Variants in TRIM14 observed in about 807,000 individuals in gnomAD.
The protein encoded by TRIM14 is tripartite motif containing 14.
A neutral mutation model predicts 44.5 loss-of-function variants in TRIM14; 28 were observed. The observed-to-expected ratio is 0.63, with a 90% confidence interval of 0.47 to 0.86. The LOEUF (loss-of-function observed/expected upper bound fraction) is 0.86, where lower values mean the gene tolerates loss of function less well. Ranked by LOEUF, TRIM14 falls within the 40% of genes least tolerant of loss-of-function variation. The probability of loss-of-function intolerance (pLI) is 0.00; values close to 1 mark genes in which losing one functional copy is unlikely to be tolerated. For missense variants in TRIM14, 607 were observed against 611.1 expected, an observed-to-expected ratio of 0.99 and a Z score of 0.07; for synonymous variants, 299 against 269.2, an observed-to-expected ratio of 1.11 and a Z score of -1.08.
chr9:98,077,763 C>G (rs1156510932), intron 6 of TRIM14, among the ~76,000 whole-genome samples: 2 of 152,268 alleles, frequency 1.3e-5, no homozygotes, highest in South Asian at 4.1e-4. Flanking sequence ...ACTTATTTCA[C>G]AGGGGAGGCC....
At chr9:98,042,024 G>A in the TRIM14 span, among the ~76,000 whole-genome samples, 3 of 151,698 alleles carry the variant, frequency 2.0e-5, no homozygotes, top group Admixed American at 1.3e-4. Context: ...GCCGGGCGCG[G>A]TGGCTCATGC....
chr9:98,060,654 G>A, the TRIM14 span: 1 of 921,664 alleles, frequency 1.1e-6, no homozygotes, highest in African/African-American at 1.7e-5. Flanking sequence ...CTGGGTGAAA[G>A]AGCGAAACTC....
chr9:98,054,556 C>CA, the TRIM14 span, among the ~76,000 whole-genome samples: 1 of 152,204 alleles, frequency 6.6e-6, no homozygotes, highest in Non-Finnish European at 1.5e-5. Flanking sequence ...GGGCTACAAA[C>CA]AGACACTGTG....
At chr9:98,084,197 T>C (rs930784168), downstream of TRIM14, among the ~76,000 whole-genome samples, 51 of 152,174 alleles carry the variant, frequency 3.4e-4, no homozygotes, top group African/African-American at 1.2e-3. Flanking sequence ...CACAAATGTT[T>C]ACTGTGTGCC....
At chr9:98,106,468 G>A (rs1826615154) in intron 2 of TRIM14, among the ~76,000 whole-genome samples, 1 of 152,230 alleles carries the variant, frequency 6.6e-6, no homozygotes, top group South Asian at 2.1e-4. Context: ...CCATTGCTCA[G>A]CTCCATCTGC....
At chr9:98,079,478 A>G (rs1829752232), downstream of TRIM14, among the ~76,000 whole-genome samples, 1 of 152,174 alleles carries the variant, frequency 6.6e-6, no homozygotes, top group African/African-American at 2.4e-5. Context: ...TTAACTTAAA[A>G]AGTTAGCCTT....
At chr9:98,106,827 T>TC (rs60208316) in intron 2 of TRIM14, among the ~76,000 whole-genome samples, 11,033 of 103,710 alleles carry the variant, frequency 0.11, 519 homozygotes, top group African/African-American at 0.16. Context: ...TCTTTCTTCT[T>TC]TTTTTTTTTT....
chr9:98,037,999 G>A, the TRIM14 span, among the ~76,000 whole-genome samples: 1 of 152,026 alleles, frequency 6.6e-6, no homozygotes, highest in East Asian at 1.9e-4. Context: ...CCAAGTAGCT[G>A]GAAGGCTACA....
chr9:98,110,890 A>AAATAC (rs1272397823), intron 1 of TRIM14, among the ~76,000 whole-genome samples: 8 of 151,714 alleles, frequency 5.3e-5, no homozygotes, highest in Non-Finnish European at 1.2e-4. Flanking sequence ...AAATAAAATA[A>AAATAC]AATAAAATTA....
chr9:98,104,557 G>C (rs766915773), intron 2 of TRIM14, among the ~76,000 whole-genome samples: 6 of 152,174 alleles, frequency 3.9e-5, no homozygotes, highest in Non-Finnish European at 5.9e-5. Flanking sequence ...GAGAGAGAGA[G>C]AAAGAGAGCA....
downstream of TRIM14, among the ~76,000 whole-genome samples, chr9:98,083,491 C>T (rs1481743253): frequency 6.6e-6 from 1 of 152,186 alleles, no homozygotes; most frequent in Non-Finnish European, 1.5e-5. Context: ...GTTTAGTTGG[C>T]ATTGTATAGC....
the TRIM14 span, among the ~76,000 whole-genome samples, chr9:98,045,574 C>T: frequency 1.3e-5 from 2 of 152,160 alleles, no homozygotes; most frequent in African/African-American, 2.4e-5. Flanking sequence ...CTTTTTCTGT[C>T]GTAAACCTTC....
At chr9:98,103,379 A>T (rs1387995193) in intron 2 of TRIM14, among the ~76,000 whole-genome samples, 1 of 152,232 alleles carries the variant, frequency 6.6e-6, no homozygotes, top group Non-Finnish European at 1.5e-5. Context: ...TATATTTGCA[A>T]GTGCAATTAA....
At chr9:98,083,081 T>C (rs1358839271), downstream of TRIM14, 2 of 1,606,940 alleles carry the variant, frequency 1.2e-6, no homozygotes. Context: ...CTCTGAATTC[T>C]CAGTTCCCTT....
chr9:98,100,969 T>C (rs1349469211), intron 2 of TRIM14, among the ~76,000 whole-genome samples: 2 of 151,966 alleles, frequency 1.3e-5, no homozygotes, highest in African/African-American at 2.4e-5. Flanking sequence ...ACAATTTTTA[T>C]TTATTTATTT....
At chr9:98,092,312 C>T (rs1826023969) in intron 4 of TRIM14, among the ~76,000 whole-genome samples, 1 of 152,196 alleles carries the variant, frequency 6.6e-6, no homozygotes. Flanking sequence ...GAGCTGAGTC[C>T]TCAGGAAGGT....
intron 6 of TRIM14, among the ~76,000 whole-genome samples, chr9:98,077,228 G>A (rs1285608084): frequency 6.6e-6 from 1 of 151,938 alleles, no homozygotes; most frequent in Non-Finnish European, 1.5e-5. Context: ...CTCCCAAAGT[G>A]CTAGGATTAC....
At chr9:98,099,064 A>G (rs1370524666) in intron 3 of TRIM14, among the ~76,000 whole-genome samples, 2 of 152,146 alleles carry the variant, frequency 1.3e-5, no homozygotes, top group African/African-American at 4.8e-5. Context: ...CCAGTGGCCA[A>G]GGAGTACCAT....
At chr9:98,081,356 C>CCATG, downstream of TRIM14, 1 of 473,424 alleles carries the variant, frequency 2.1e-6, no homozygotes, top group Non-Finnish European at 3.8e-6. Flanking sequence ...TCTCTGAAGC[C>CCATG]CATGGCCCCA....
Sources: gnomAD v4.1 joint callset for allele counts (sites outside exome capture counted in the v4.1 genomes callset) on GRCh38, gnomAD v4.1.1 for gene constraint, MANE v1.5 for transcripts, NCBI Gene and HGNC (gene_info 2026-07-23, HGNC 2026-07-21) for gene names.